The following SDK2 variants were observed in gnomAD, a reference collection of about 807,000 sequenced individuals.
SDK2 encodes the protein protein sidekick-2.
Under a neutral mutation model 253.9 loss-of-function variants are expected in SDK2, and 105 were observed. That is an observed-to-expected ratio of 0.41 (90% confidence interval 0.35 to 0.49). SDK2 has a LOEUF of 0.49. Ranked by LOEUF, SDK2 falls within the 20% of genes least tolerant of loss-of-function variation. The pLI, the probability that SDK2 is intolerant of heterozygous loss-of-function variation, is 0.06. For synonymous variants in SDK2, 1,249 were observed against 1,234.9 expected (o/e 1.01, Z -0.24); for missense variants, 2,608 against 3,003.0 (o/e 0.87, Z 3.07).
chr17:73,526,144 C>T (rs1434168736), intron 1 of SDK2, among the ~76,000 whole-genome samples: 1 of 152,216 alleles, frequency 6.6e-6, no homozygotes, highest in Non-Finnish European at 1.5e-5. Context: ...CAGTCGGGAA[C>T]ACTCACAGGC....
chr17:73,525,753 T>TC (rs2064120709), intron 1 of SDK2, among the ~76,000 whole-genome samples: 1 of 145,690 alleles, frequency 6.9e-6, no homozygotes, highest in Non-Finnish European at 1.5e-5. Context: ...CCAAGAAGGC[T>TC]CCCCCCTACC....
rs55940959 is a variant in SDK2, at chr17:73,636,109, G to A, written c.64+7916C>T. The stretch of plus-strand genomic sequence containing the variant: ...TGTCTCTTCTTGGGAAGACAGTGAC[G>A]TATGCCGTGGAAGCCAAAGGCAGCC... On this transcript the variant is annotated intron_variant, in intron 1 of 44. Coordinates refer to ENST00000392650, the MANE Select transcript of SDK2 (RefSeq NM_001144952.2). Among the ~76,000 whole-genome samples, 528 of 152,256 alleles carry A rather than the reference G, an allele frequency of 3.5e-3. 2 individuals carry two copies. The highest frequency in any genetic ancestry group is 6.5e-3 in the Non-Finnish European group (441 of 68,032).
chr17:73,409,599 T>C (rs9914157), intron 18 of SDK2, among the ~76,000 whole-genome samples: 144,503 of 151,914 alleles, frequency 0.95, 68,874 homozygotes, highest in Non-Finnish European at 0.99. Flanking sequence ...CATTGCATTC[T>C]AGCCCGGGCA....
intron 1 of SDK2, among the ~76,000 whole-genome samples, chr17:73,585,521 A>G (rs1461312722): frequency 6.6e-6 from 1 of 152,186 alleles, no homozygotes; most frequent in Non-Finnish European, 1.5e-5. Flanking sequence ...CACACTCTGA[A>G]TAGCACCTAC....
intron 1 of SDK2, among the ~76,000 whole-genome samples, chr17:73,563,711 G>A (rs1343406710): frequency 6.6e-6 from 1 of 152,120 alleles, no homozygotes; most frequent in African/African-American, 2.4e-5. Context: ...TATTTTGGGG[G>A]CAGGGTTGAG....
At chr17:73,364,471 C>G (rs1228980475) in intron 38 of SDK2, among the ~76,000 whole-genome samples, 1 of 152,100 alleles carries the variant, frequency 6.6e-6, no homozygotes, top group Non-Finnish European at 1.5e-5. Flanking sequence ...TGGGGAGAGG[C>G]TCTGAAGCTT....
chr17:73,541,192 C>T lies in SDK2; in HGVS notation c.65-33595G>A, dbSNP rs1029564555. Among the ~76,000 whole-genome samples, 7 of 152,258 alleles carry T rather than the reference C, an allele frequency of 4.6e-5. No individual in the cohort carries two copies. Among genetic ancestry groups the T allele is most frequent in the African/African-American group, 1.7e-4 (7 of 41,554 alleles). ...CTCTGGCTGGGGAGAGGCAGCTGGG[C>T]CCCAGAGGGCTGGGGCAGCAGTGAA... On this transcript the variant is annotated intron_variant, in intron 1 of 44. Transcript: ENST00000392650. The surrounding 1 kb of genome is among the most constrained non-coding windows in gnomAD (Gnocchi z 4.3).
At chr17:73,367,221 C>A (rs2062692879) in intron 37 of SDK2, among the ~76,000 whole-genome samples, 1 of 152,120 alleles carries the variant, frequency 6.6e-6, no homozygotes, top group Admixed American at 6.5e-5. Context: ...GTTGGCCAGG[C>A]TGGTCTTGAA....
At chr17:73,469,052 T>C (rs1278202924) in intron 3 of SDK2, among the ~76,000 whole-genome samples, 1 of 152,204 alleles carries the variant, frequency 6.6e-6, no homozygotes, top group Non-Finnish European at 1.5e-5. Context: ...CTCGAACTCC[T>C]GACCTTGTGA....
intron 41 of SDK2, among the ~76,000 whole-genome samples, chr17:73,351,537 G>T (rs115672714): frequency 1.8e-3 from 276 of 152,336 alleles, no homozygotes; most frequent in African/African-American, 6.3e-3. Flanking sequence ...TTAGTTTGGA[G>T]TGAAATTTTT....
intron 1 of SDK2, among the ~76,000 whole-genome samples, chr17:73,558,082 C>T (rs566990347): frequency 1.3e-5 from 2 of 152,372 alleles, no homozygotes; most frequent in Non-Finnish European, 2.9e-5. Context: ...GCTGGGTGCC[C>T]TGGGGGCACT....
chr17:73,458,449 C>A (rs78165836), intron 3 of SDK2, among the ~76,000 whole-genome samples: 2 of 152,236 alleles, frequency 1.3e-5, no homozygotes, highest in African/African-American at 4.8e-5. Context: ...GATTCTGTCA[C>A]ACAATCGTTT....
rs2046389453 is a variant in SDK2 at position 73,640,823 on chromosome 17, T to TC, written c.64+3201dup. Among the ~76,000 whole-genome samples the TC allele has an allele frequency of 1.1e-4, 16 of 152,178 alleles. No individual in the cohort carries two copies. The South Asian group carries it at 3.3e-3, about 32-fold the overall frequency. On this transcript the variant is annotated intron_variant, in intron 1 of 44. Coordinates refer to ENST00000392650, the MANE Select transcript of SDK2 (RefSeq NM_001144952.2). ...GGCTCAGATTCCCTTCCTTCTGTTCTCCCCCCAGGCATGATTCTCTTGAAA... is the reference window on the plus strand; with the variant it reads ...GGCTCAGATTCCCTTCCTTCTGTTCTCCCCCCCAGGCATGATTCTCTTGAAA...
chr17:73,408,042 A>C (rs1265746601), intron 18 of SDK2, among the ~76,000 whole-genome samples: 1 of 56,716 alleles, frequency 1.8e-5, no homozygotes, highest in Non-Finnish European at 3.5e-5. Context: ...GAAGTAAAAT[A>C]TTTCCTTTTT....
chr17:73,338,909 T>A lies in SDK2; in HGVS notation c.6197A>T (p.Asn2066Ile), dbSNP rs2062407201. ...GACAAAGGAGTGGGCCTTCTGGTGG[T>A]TTGAGTCGACCTCGTACTCGCTGTC... ...GSDSEYEVDS[N>I]HQKAHSFVNH... The change falls in exon 45 of 45, where the codon AAC (asparagine) becomes ATC (isoleucine). Residue 2066 changes from asparagine to isoleucine, a missense_variant. Physicochemically the swap from Asn to Ile is moderately radical, Grantham distance 149. Transcript: ENST00000392650. The surrounding 1 kb of genome is among the most constrained non-coding windows in gnomAD (Gnocchi z 5.0). 6.2e-7 allele frequency: 1 copy of A among 1,614,016 alleles called. No homozygotes were observed. The highest frequency in any genetic ancestry group is 8.5e-7 in the Non-Finnish European group (1 of 1,179,894).
intron 2 of SDK2, among the ~76,000 whole-genome samples, chr17:73,486,667 C>G (rs1729337255): frequency 6.8e-6 from 1 of 146,828 alleles, no homozygotes; most frequent in Non-Finnish European, 1.5e-5. Flanking sequence ...ATGGAGCCAA[C>G]AGCCAGCTCC....
intron 17 of SDK2, among the ~76,000 whole-genome samples, chr17:73,415,350 C>CTTTTTT (rs35201251): frequency 1.6e-5 from 2 of 122,126 alleles, no homozygotes; most frequent in African/African-American, 6.4e-5. Context: ...TTTCATTTCA[C>CTTTTTT]TTTTTTTTTT....
intron 24 of SDK2, among the ~76,000 whole-genome samples, 171 bp downstream of exon 24, chr17:73,397,864 G>C (rs1055111085): frequency 1.3e-5 from 2 of 152,242 alleles, no homozygotes; most frequent in Non-Finnish European, 2.9e-5. Flanking sequence ...CCTCTCATCG[G>C]CGGGCGGGGG....
intron 2 of SDK2, among the ~76,000 whole-genome samples, chr17:73,488,068 T>G (rs2063780852): frequency 6.6e-6 from 1 of 151,992 alleles, no homozygotes. Flanking sequence ...CAGGCTGGAG[T>G]GCAGTGGCGC....
Sources: gnomAD v4.1 joint callset for allele counts (sites outside exome capture counted in the v4.1 genomes callset) on GRCh38, gnomAD v4.1.1 for gene constraint, Gnocchi (gnomAD v3.1) non-coding constraint, MANE v1.5 for transcripts, NCBI Gene and HGNC (gene_info 2026-07-23, HGNC 2026-07-21) for gene names.